AHDC1: variants seen among roughly 807,000 people sequenced by gnomAD.
The protein encoded by AHDC1 is AT-hook DNA binding motif containing 1.
A neutral mutation model predicts 87.9 loss-of-function variants in AHDC1; 7 were observed. The observed-to-expected ratio is 0.08, with a 90% CI of 0.05 to 0.15. The LOEUF (loss-of-function observed/expected upper bound fraction) is 0.15. Among genes scored for constraint, AHDC1 ranks in the 10% least tolerant of loss-of-function variants. The probability of loss-of-function intolerance (pLI) is 1.00; values close to 1 mark genes in which losing one functional copy is unlikely to be tolerated. For synonymous variants in AHDC1, 1,051 were observed against 1,006.8 expected (o/e 1.04, Z -0.83); for missense variants, 1,841 against 2,253.2 (o/e 0.82, Z 3.70).
Position 27,565,443 on chromosome 1 carries a change from C to T in AHDC1, c.-628-6560G>A, listed in dbSNP as rs532406914. ...CACTGCCCAGACTGGGAGGGCGGGC[C>T]AGACAGCAGGGGCTGCCAGTCTTGA... On this transcript the variant is annotated intron_variant, in intron 3 of 8. Coordinates refer to ENST00000673934, the MANE Select transcript of AHDC1 (RefSeq NM_001371928.1). This position sits in a 1 kb window ranked among gnomAD's most constrained non-coding sequence, Gnocchi z 4.6. Among the ~76,000 whole-genome samples, 154 of 152,290 alleles carry T rather than the reference C, an allele frequency of 1.0e-3. No homozygotes were observed. Among genetic ancestry groups the T allele is most frequent in the African/African-American group, 3.6e-3 (151 of 41,560 alleles).
chr1:27,544,424 T>C (rs1434605830), intron 8 of AHDC1, among the ~76,000 whole-genome samples: 1 of 152,170 alleles, frequency 6.6e-6, no homozygotes. Flanking sequence ...GAGGCTGAAC[T>C]GGAGGACAGG....
At chr1:27,572,510 TAC>T (rs1186916733) in intron 3 of AHDC1, among the ~76,000 whole-genome samples, 1 of 152,126 alleles carries the variant, frequency 6.6e-6, no homozygotes, top group Non-Finnish European at 1.5e-5. Flanking sequence ...TCTGGACAGC[TAC>T]ACGTCCGTAC....
Position 27,565,125 on chromosome 1 carries a change from C to T in AHDC1, c.-628-6242G>A, listed in dbSNP as rs2020262805. The stretch of plus-strand genomic sequence containing the variant: ...GGCGGCTGGCAGGCATGCTCGCTCC[C>T]GCGCAGGGAAGCGGCTAATTTTAGC... On this transcript the variant is annotated intron_variant, in intron 3 of 8. Transcript: ENST00000673934. The surrounding 1 kb of genome is among the most constrained non-coding windows in gnomAD (Gnocchi z 4.6). Among the ~76,000 whole-genome samples the T allele has an allele frequency of 6.6e-6, 1 of 152,206 alleles. No homozygotes were observed. Among genetic ancestry groups the T allele is most frequent in the Non-Finnish European group, 1.5e-5 (1 of 68,016 alleles).
chr1:27,567,274 C>G (rs560279989), intron 3 of AHDC1, among the ~76,000 whole-genome samples: 1 of 152,324 alleles, frequency 6.6e-6, no homozygotes, highest in East Asian at 1.9e-4. Context: ...GCCTACCGGG[C>G]TCCAGTTGCC....
rs1335462656 is a variant in AHDC1, at chr1:27,561,670, C to T, written c.-628-2787G>A. 3.3e-5 allele frequency among the ~76,000 whole-genome samples: 5 copies of T among 149,522 alleles called. No homozygotes were observed. The highest frequency in any genetic ancestry group is 7.4e-5 in the Non-Finnish European group (5 of 67,156). On this transcript the variant is annotated intron_variant, in intron 3 of 8. Transcript: ENST00000673934. The surrounding 1 kb of genome is among the most constrained non-coding windows in gnomAD (Gnocchi z 4.2). ...TCTGGTTGCAGACACCAGCCGAGAC[C>T]ACACAAGAGAGAGAGAGGAAAAGAC...
Position 27,566,721 on chromosome 1 carries a change from G to T in AHDC1, c.-628-7838C>A, listed in dbSNP as rs145052671. Among the ~76,000 whole-genome samples the T allele has an allele frequency of 9.8e-3, 1,443 of 147,170 alleles. 10 individuals are homozygous for T. Among genetic ancestry groups the T allele is most frequent in the Non-Finnish European group, 0.015 (999 of 66,456 alleles). On this transcript the variant is annotated intron_variant, in intron 3 of 8. Coordinates refer to ENST00000673934, the MANE Select transcript of AHDC1 (RefSeq NM_001371928.1). ...GGAGGGATGTCATTGCCAGAACTGG[G>T]GGGGGACAGAGGACAGAAATGGAAT...
intron 8 of AHDC1, among the ~76,000 whole-genome samples, chr1:27,541,001 T>TAAAAAAAAA (rs55912405): frequency 9.1e-4 from 66 of 72,328 alleles, no homozygotes; most frequent in Middle Eastern, 9.4e-3. Context: ...CTAAAAATGC[T>TAAAAAAAAA]AAAAAAAAAA....
chr1:27,557,352 ACTAGGCCTTC>A (rs1296843252), intron 5 of AHDC1, among the ~76,000 whole-genome samples: 1 of 94,996 alleles, frequency 1.1e-5, no homozygotes, highest in Admixed American at 1.2e-4. Context: ...CTCCAGCCCC[ACTAGGCCTTC>A]CCTGCAGCCT....
At chr1:27,576,171 A>ACCG (rs2088740359) in intron 3 of AHDC1, among the ~76,000 whole-genome samples, 1 of 152,186 alleles carries the variant, frequency 6.6e-6, no homozygotes, top group Non-Finnish European at 1.5e-5. Context: ...GCCACCGTGA[A>ACCG]CCGGCGGCCA....
At chr1:27,575,944 G>A (rs1249097505) in intron 3 of AHDC1, among the ~76,000 whole-genome samples, 1 of 152,018 alleles carries the variant, frequency 6.6e-6, no homozygotes, top group Non-Finnish European at 1.5e-5. Flanking sequence ...TCGCGATCCG[G>A]GTCGGGCTCG....
At position 27,541,013 on chromosome 1, in the gene AHDC1, A is replaced by AC. The variant is rs1465958173; in HGVS notation, c.*44-6098_*44-6097insG. 4.4e-4 allele frequency among the ~76,000 whole-genome samples: 66 copies of AC among 150,334 alleles called. 1 individual carries two copies. The highest frequency in any genetic ancestry group is 3.4e-3 in the Middle Eastern group (1 of 292). ...CATCTAAAAATGCTAAAAAAAAAAA[A>AC]AAAAAAAAAAAAACAACAACAAAAC... On this transcript the variant is annotated intron_variant, in intron 8 of 8. Transcript: ENST00000673934.
intron 8 of AHDC1, among the ~76,000 whole-genome samples, chr1:27,538,795 G>T (rs1168523298): frequency 2.0e-5 from 3 of 152,130 alleles, no homozygotes; most frequent in Non-Finnish European, 4.4e-5. Context: ...GATTACAGGT[G>T]TGAGCCACTG....
Position 27,550,684 on chromosome 1 carries a change from T to C in AHDC1, c.1432A>G (p.Met478Val). 1 of 1,612,804 alleles carries C rather than the reference T, an allele frequency of 6.2e-7. No individual in the cohort carries two copies. The highest frequency in any genetic ancestry group is 2.2e-5 in the East Asian group (1 of 44,852). ...CRGVRRMVVK[M>V]AKIPVSLGRR... ...CCCAGCGATACGGGGATCTTGGCCATCTTCACCACCATGCGCCGCACGCCC... is the reference window on the plus strand; with the variant it reads ...CCCAGCGATACGGGGATCTTGGCCACCTTCACCACCATGCGCCGCACGCCC... Residue 478 changes from methionine to valine, a missense_variant, in exon 8 of 9, where the codon ATG becomes GTG. Met to Val is a conservative substitution (Grantham distance 21). This residue lies in a region of AHDC1 where 27 missense variants were observed against 58.6 expected (regional missense o/e 0.46). Coordinates refer to ENST00000673934, the MANE Select transcript of AHDC1 (RefSeq NM_001371928.1).
intron 3 of AHDC1, among the ~76,000 whole-genome samples, chr1:27,602,998 C>A (rs931121636): frequency 2.1e-5 from 3 of 143,132 alleles, no homozygotes; most frequent in South Asian, 2.5e-4. Context: ...CCCCCCCCCC[C>A]ACATTCTCAG....
At position 27,534,511 on chromosome 1, in the gene AHDC1, A is replaced by G. The variant is rs1042016460; in HGVS notation, c.*449T>C. 1 of 152,084 alleles carries G rather than the reference A, an allele frequency of 6.6e-6. No homozygotes were observed. The highest frequency in any genetic ancestry group is 1.5e-5 in the Non-Finnish European group (1 of 68,028). The allele number at this position is 152,084 out of a possible 1,614,324, so 9.4% of individuals were successfully genotyped here. A position where few individuals can be genotyped will look rare whatever the true frequency, so the allele number is the denominator to read the frequency against. ...AATATACAATCCACGATTTATAATAAAACAGTATATACAATAAATAGGATA... is the reference window on the plus strand; with the variant it reads ...AATATACAATCCACGATTTATAATAGAACAGTATATACAATAAATAGGATA... On this transcript the variant is annotated 3_prime_UTR_variant, in exon 9 of 9. Coordinates refer to ENST00000673934, the MANE Select transcript of AHDC1 (RefSeq NM_001371928.1).
chr1:27,572,193 G>T (rs2088551691), intron 3 of AHDC1, among the ~76,000 whole-genome samples: 1 of 152,148 alleles, frequency 6.6e-6, no homozygotes, highest in Non-Finnish European at 1.5e-5. Context: ...GTCTAATCCC[G>T]TGGTGGGGAA....
At chr1:27,582,091 C>A (rs2088924569) in intron 3 of AHDC1, among the ~76,000 whole-genome samples, 1 of 152,256 alleles carries the variant, frequency 6.6e-6, no homozygotes, top group Non-Finnish European at 1.5e-5. Flanking sequence ...AGGAAACAGG[C>A]CTCTGCCCCT....
chr1:27,543,143 C>A (rs1465756436), intron 8 of AHDC1, among the ~76,000 whole-genome samples: 1 of 152,348 alleles, frequency 6.6e-6, no homozygotes, highest in Middle Eastern at 3.4e-3. Flanking sequence ...AGCCGCGTAA[C>A]CTTGGAGGAC....
intron 3 of AHDC1, among the ~76,000 whole-genome samples, chr1:27,585,889 G>A (rs773107665): frequency 2.0e-5 from 3 of 152,216 alleles, no homozygotes; most frequent in Non-Finnish European, 4.4e-5. Flanking sequence ...TAGCCTCTCT[G>A]AGCCTCAGCC....
Sources: gnomAD v4.1 joint callset for allele counts (sites outside exome capture counted in the v4.1 genomes callset) on GRCh38, gnomAD v4.1.1 for gene constraint, gnomAD v4.1.1 regional missense constraint, Gnocchi (gnomAD v3.1) non-coding constraint, MANE v1.5 for transcripts, NCBI Gene and HGNC (gene_info 2026-07-23, HGNC 2026-07-21) for gene names.